The following RSRC1 variants were observed in gnomAD, a reference collection of about 807,000 sequenced individuals.
RSRC1 encodes arginine and serine rich coiled-coil 1.
RSRC1 carries 39 observed loss-of-function variants against 49.1 expected under a neutral mutation model. The ratio of observed to expected loss-of-function variants is 0.79; its 90% confidence interval spans 0.61 to 1.04. RSRC1 has a LOEUF of 1.04. Ranked by LOEUF, RSRC1 falls within the 50% of genes least tolerant of loss-of-function variation. The pLI, the probability that RSRC1 is intolerant of heterozygous loss-of-function variation, is 0.00. For synonymous variants in RSRC1, 143 were observed against 130.8 expected (o/e 1.09, Z -0.63); for missense variants, 388 against 402.4 (o/e 0.96, Z 0.31).
chr3:158,437,326 G>T (rs925063400), intron 6 of RSRC1, among the ~76,000 whole-genome samples: 2 of 152,010 alleles, frequency 1.3e-5, no homozygotes. Flanking sequence ...GTTTAATAAT[G>T]GTTAATTTAG....
chr3:158,203,495 T>G (rs1205764206), intron 4 of RSRC1, among the ~76,000 whole-genome samples: 1 of 152,174 alleles, frequency 6.6e-6, no homozygotes, highest in Non-Finnish European at 1.5e-5. Flanking sequence ...GGAATCAATA[T>G]AAACAGCAAT....
At chr3:158,524,821 T>C (rs1711909714) in intron 7 of RSRC1, among the ~76,000 whole-genome samples, 1 of 152,010 alleles carries the variant, frequency 6.6e-6, no homozygotes, top group Admixed American at 6.6e-5. Flanking sequence ...CAAATGCGAC[T>C]GAAAAAACTG....
intron 4 of RSRC1, among the ~76,000 whole-genome samples, chr3:158,211,096 C>G (rs2108288203): frequency 6.6e-6 from 1 of 152,066 alleles, no homozygotes; most frequent in South Asian, 2.1e-4. Flanking sequence ...TAGTAAGTTT[C>G]ATTACATGGT....
chr3:158,316,790 C>T (rs1021284145), intron 5 of RSRC1, among the ~76,000 whole-genome samples: 2 of 152,166 alleles, frequency 1.3e-5, no homozygotes, highest in African/African-American at 4.8e-5. Flanking sequence ...GTTTGGCCTG[C>T]TCTTGGTGCA....
intron 4 of RSRC1, among the ~76,000 whole-genome samples, chr3:158,231,613 G>C (rs894818522): frequency 2.6e-5 from 4 of 152,004 alleles, no homozygotes; most frequent in African/African-American, 9.7e-5. Flanking sequence ...GGTCTAATAT[G>C]GTCCTTTTAT....
At chr3:158,111,541 A>G (rs1381787946) in intron 1 of RSRC1, among the ~76,000 whole-genome samples, 3 of 152,220 alleles carry the variant, frequency 2.0e-5, no homozygotes, top group Non-Finnish European at 4.4e-5. Context: ...AGATGCTTGC[A>G]AGTTTTTAAT....
chr3:158,286,989 G>T (rs867066524), intron 4 of RSRC1, among the ~76,000 whole-genome samples: 6 of 152,062 alleles, frequency 3.9e-5, no homozygotes, highest in African/African-American at 1.4e-4. Context: ...ACCACACCCG[G>T]CCAATTTTTT....
intron 6 of RSRC1, among the ~76,000 whole-genome samples, chr3:158,399,829 G>A (rs1560025943): frequency 1.3e-5 from 2 of 152,044 alleles, no homozygotes; most frequent in South Asian, 2.1e-4. Flanking sequence ...GGAAGTAAAG[G>A]TAGACACTTT....
chr3:158,530,685 A>G (rs1312456987), intron 7 of RSRC1, among the ~76,000 whole-genome samples: 1 of 151,730 alleles, frequency 6.6e-6, no homozygotes, highest in Non-Finnish European at 1.5e-5. Flanking sequence ...TCTCCATGCC[A>G]TAGATGAGAA....
intron 4 of RSRC1, among the ~76,000 whole-genome samples, chr3:158,281,959 T>C (rs1191708000): frequency 2.0e-5 from 3 of 152,196 alleles, no homozygotes; most frequent in Admixed American, 1.3e-4. Flanking sequence ...GACATACCCA[T>C]TGGCAATTAC....
chr3:158,181,750 CAG>C (rs1719634303), intron 3 of RSRC1, among the ~76,000 whole-genome samples: 1 of 151,954 alleles, frequency 6.6e-6, no homozygotes, highest in Non-Finnish European at 1.5e-5. Flanking sequence ...TAAAACAAAT[CAG>C]ATAAATATTT....
chr3:158,206,330 T>A (rs1721341401), intron 4 of RSRC1, among the ~76,000 whole-genome samples: 1 of 152,168 alleles, frequency 6.6e-6, no homozygotes, highest in African/African-American at 2.4e-5. Context: ...ATGAAGTGAT[T>A]TTACATATTG....
intron 6 of RSRC1, among the ~76,000 whole-genome samples, chr3:158,371,133 ATTG>A (rs946241792): frequency 6.6e-6 from 1 of 151,830 alleles, no homozygotes; most frequent in Non-Finnish European, 1.5e-5. Flanking sequence ...AATTATTTAT[ATTG>A]TTGAGTTATA....
intron 6 of RSRC1, among the ~76,000 whole-genome samples, chr3:158,358,291 T>G (rs1207336962): frequency 1.3e-5 from 2 of 152,226 alleles, no homozygotes; most frequent in Non-Finnish European, 2.9e-5. Flanking sequence ...ATAATTCACC[T>G]GGACTTAATT....
At chr3:158,279,950 C>T (rs1578279435) in intron 4 of RSRC1, among the ~76,000 whole-genome samples, 1 of 152,106 alleles carries the variant, frequency 6.6e-6, no homozygotes, top group Non-Finnish European at 1.5e-5. Context: ...GACTGGTCAG[C>T]TGGTGTTACT....
chr3:158,137,688 C>T (rs1488598009), intron 3 of RSRC1, among the ~76,000 whole-genome samples: 9 of 149,976 alleles, frequency 6.0e-5, no homozygotes, highest in African/African-American at 2.2e-4. Context: ...AGTCTTGCAC[C>T]TGTCGCCCAG....
chr3:158,218,716 C>T (rs942795598), intron 4 of RSRC1, among the ~76,000 whole-genome samples: 2 of 151,556 alleles, frequency 1.3e-5, no homozygotes, highest in African/African-American at 4.8e-5. Flanking sequence ...TTGATGACTA[C>T]AGAAACCTAT....
At chr3:158,290,312 T>G (rs997357519) in intron 4 of RSRC1, among the ~76,000 whole-genome samples, 3 of 152,030 alleles carry the variant, frequency 2.0e-5, no homozygotes, top group Non-Finnish European at 4.4e-5. Context: ...TTGCTCTGTC[T>G]CCCAGGCTGG....
At chr3:158,180,024 A>G (rs1578169639) in intron 3 of RSRC1, among the ~76,000 whole-genome samples, 1 of 152,186 alleles carries the variant, frequency 6.6e-6, no homozygotes, top group East Asian at 1.9e-4. Flanking sequence ...CTATCTGTAT[A>G]TCCTCTTTGG....
Sources: allele counts gnomAD v4.1 joint callset (sites outside exome capture counted in the v4.1 genomes callset), GRCh38; gene constraint gnomAD v4.1.1; transcripts MANE v1.5; gene names NCBI Gene and HGNC (gene_info 2026-07-23, HGNC 2026-07-21).